Variants in KCNN2 observed in about 807,000 individuals in gnomAD.
KCNN2 encodes the protein potassium calcium-activated channel subfamily N member 2.
In KCNN2, 24 loss-of-function variants were observed where a neutral mutation model predicts 55.5. The observed-to-expected ratio is 0.43, with a 90% CI of 0.31 to 0.61. The LOEUF is 0.61. KCNN2 is among the 20% of genes least tolerant of loss of function. KCNN2 has a pLI of 0.08. For missense variants in KCNN2, 754 were observed against 853.6 expected (o/e 0.88, Z 1.45); for synonymous variants, 431 against 336.1 (o/e 1.28, Z -3.09).
At chr5:114,456,855 TG>T (rs1295209351) in intron 3 of KCNN2, among the ~76,000 whole-genome samples, 2 of 152,182 alleles carry the variant, frequency 1.3e-5, no homozygotes, top group Admixed American at 1.3e-4. Flanking sequence ...GTGATTGAAT[TG>T]CTGCAATCTC....
At chr5:114,241,776 A>ATGTGTG (rs1186374977) in intron 2 of KCNN2, among the ~76,000 whole-genome samples, 319 of 11,120 alleles carry the variant, frequency 0.029, 63 homozygotes, top group East Asian at 0.054. Flanking sequence ...ATATATATAC[A>ATGTGTG]TATATACGTA....
chr5:114,244,453 C>T (rs557998235), intron 2 of KCNN2, among the ~76,000 whole-genome samples: 305 of 151,984 alleles, frequency 2.0e-3, no homozygotes, highest in African/African-American at 6.8e-3. Context: ...AAAAAATAGC[C>T]GGGCGTGGTG....
intron 2 of KCNN2, among the ~76,000 whole-genome samples, chr5:114,285,219 G>A (rs1755715351): frequency 6.9e-6 from 1 of 143,904 alleles, no homozygotes; most frequent in Non-Finnish European, 1.5e-5. Context: ...AGGAGACAGA[G>A]CTTGCAGTGA....
rs748557095 is a variant in KCNN2, at chr5:114,363,897, G to T, written c.1123-9G>T. The T allele has an allele frequency of 6.2e-7, 1 of 1,608,750 alleles. No homozygotes were observed. The highest frequency in any genetic ancestry group is 2.2e-5 in the East Asian group (1 of 44,866). On this transcript the variant is annotated splice_polypyrimidine_tract_variant and intron_variant, in intron 1 of 7. Transcript: ENST00000673685. ...TTCTTAAAAGTGCTTCTGTCTGACT[G>T]TGTTGCAGGCGTCGCTGTATTCCTT...
rs370602863 is a variant in KCNN2, at chr5:114,496,008, C to T, written c.2202C>T (p.His734=). 45 of 1,613,958 alleles carry T rather than the reference C, an allele frequency of 2.8e-5. No individual in the cohort carries two copies. Among genetic ancestry groups the T allele is most frequent in the Non-Finnish European group, 3.4e-5 (40 of 1,179,984 alleles). ...TAGAGACTTTGATTGGTAGCATCCA[C>T]GCCCTCCCTGGGCTCATAAGCCAGA... ...TKLETLIGSI[H]ALPGLISQTI... Residue 734 remains histidine, a synonymous_variant, in exon 8 of 8, where the codon CAC becomes CAT. Coordinates refer to ENST00000673685, the MANE Select transcript of KCNN2 (RefSeq NM_021614.4).
At chr5:114,095,243 T>C (rs1171983998) in intron 1 of KCNN2, among the ~76,000 whole-genome samples, 1 of 152,194 alleles carries the variant, frequency 6.6e-6, no homozygotes, top group Non-Finnish European at 1.5e-5. Flanking sequence ...AAGCAGAATT[T>C]GGCTAAATAA....
In KCNN2 at chr5:114,421,254, G is replaced by T. The variant is rs145968032; in HGVS notation, c.1637+16398G>T. Among the ~76,000 whole-genome samples the T allele has an allele frequency of 6.9e-3, 1,038 of 151,002 alleles. 25 individuals are homozygous for T. The highest frequency in any genetic ancestry group is 0.065 in the East Asian group (336 of 5,170). On this transcript the variant is annotated intron_variant, in intron 3 of 7. Transcript: ENST00000673685. ...AAAAAAAAGCCAACATGTTGGTTAG[G>T]TGTTAAGACAAATTTAATTAATTAA...
rs1748092012 is a variant in KCNN2 at position 114,495,876 on chromosome 5, T to C, written c.2089-19T>C. On this transcript the variant is annotated intron_variant, in intron 7 of 7. Transcript: ENST00000673685. ...TCAGGGCAAGTATAATTAACCTTCTTCTCAATCCTGTTTTTCAGACCCAGA... is the reference window on the plus strand; with the variant it reads ...TCAGGGCAAGTATAATTAACCTTCTCCTCAATCCTGTTTTTCAGACCCAGA... The C allele has an allele frequency of 6.8e-6, 11 of 1,608,018 alleles. No individual in the cohort carries two copies. Among genetic ancestry groups the C allele is most frequent in the Non-Finnish European group, 8.5e-6 (10 of 1,175,832 alleles).
chr5:114,352,872 GGA>G lies in KCNN2; in HGVS notation c.-184-8070_-184-8069del, dbSNP rs545758713. Among the ~76,000 whole-genome samples, 343 of 151,916 alleles carry G rather than the reference GGA, an allele frequency of 2.3e-3. 2 individuals are homozygous for G. Among genetic ancestry groups the G allele is most frequent in the African/African-American group, 8.2e-3 (339 of 41,524 alleles). ...AAAATGTGTGTTCTGCTGTTGCTGA[GGA>G]GAATGTTCTGTAAATGTCTGTGAGG... is the stretch of plus-strand genomic sequence containing the variant. On this transcript the variant is annotated intron_variant, in intron 2 of 10. Transcript: ENST00000512097.
At chr5:114,195,928 T>C (rs1252629544) in intron 1 of KCNN2, among the ~76,000 whole-genome samples, 1 of 152,034 alleles carries the variant, frequency 6.6e-6, no homozygotes, top group Non-Finnish European at 1.5e-5. Flanking sequence ...CTTTTGGCTC[T>C]TATATTTAGG....
chr5:114,410,468 C>A (rs1486685559), intron 3 of KCNN2, among the ~76,000 whole-genome samples: 3 of 152,062 alleles, frequency 2.0e-5, no homozygotes, highest in Non-Finnish European at 4.4e-5. Context: ...CATTAGAAAT[C>A]CTCAAGAGGG....
intron 2 of KCNN2, among the ~76,000 whole-genome samples, chr5:114,233,945 T>C (rs552036772): frequency 6.6e-6 from 1 of 152,274 alleles, no homozygotes; most frequent in South Asian, 2.1e-4. Context: ...TTTTCTTTTA[T>C]ATATACTTCA....
At position 114,362,674 on chromosome 5, in the gene KCNN2, G is replaced by T; in HGVS notation, c.535G>T (p.Gly179Trp). The T allele has an allele frequency of 1.4e-6, 2 of 1,425,642 alleles. No individual in the cohort carries two copies. The highest frequency in any genetic ancestry group is 1.8e-6 in the Non-Finnish European group (2 of 1,090,698). The allele number at this position is 1,425,642 out of a possible 1,614,324, so 88.3% of individuals were successfully genotyped here. Residue 179 changes from glycine (G) to tryptophan (W), a missense_variant, in exon 1 of 8, where the codon GGG becomes TGG. This residue lies in a region of KCNN2 where 381 missense variants were observed against 259.1 expected (regional missense o/e 1.47). Transcript: ENST00000673685. ...PTGSLGSLGS[G>W]PPLSHHHHHP... ...GGGCAGCCTCGGCAGTCTGGGCTCCGGGCCCCCGCTCTCGCACCACCACCA... is the reference window on the plus strand; with the variant it reads ...GGGCAGCCTCGGCAGTCTGGGCTCCTGGCCCCCGCTCTCGCACCACCACCA...
chr5:114,411,276 A>C (rs952683587), intron 3 of KCNN2, among the ~76,000 whole-genome samples: 1 of 152,080 alleles, frequency 6.6e-6, no homozygotes, highest in Non-Finnish European at 1.5e-5. Context: ...CTGGAAGATG[A>C]TTTCTGAAAT....
chr5:114,473,359 G>A, intron 5 of KCNN2, 195 bp downstream of exon 5: 1 of 572,668 alleles, frequency 1.7e-6, no homozygotes, highest in Non-Finnish European at 3.1e-6. Context: ...GAAGTAATTG[G>A]GCAGTCTTGG....
intron 1 of KCNN2, among the ~76,000 whole-genome samples, chr5:114,139,881 A>AT (rs1752241398): frequency 6.6e-6 from 1 of 151,954 alleles, no homozygotes; most frequent in Admixed American, 6.6e-5. Flanking sequence ...TTCCATCTGC[A>AT]TACCTGGGTA....
intron 3 of KCNN2, among the ~76,000 whole-genome samples, chr5:114,421,670 C>T (rs1759475476): frequency 1.3e-5 from 2 of 151,904 alleles, no homozygotes; most frequent in South Asian, 4.2e-4. Context: ...AGTGCAATGG[C>T]ATGTTCTCGG....
In KCNN2 at chr5:114,091,691, A is replaced by C. The variant is rs1751146952; in HGVS notation, c.-271+35191A>C. Among the ~76,000 whole-genome samples the C allele has an allele frequency of 2.0e-5, 3 of 152,208 alleles. No individual in the cohort carries two copies. The South Asian group carries it at 6.2e-4, about 32-fold the overall frequency. ...TTGTGGCTGGGAAACTTATAATCAT[A>C]GTTGAAGGTAAAGGGGAAGCAAGGC... On this transcript the variant is annotated intron_variant, in intron 1 of 10. Transcript: ENST00000512097.
rs139631075 is a variant in KCNN2 at position 114,397,471 on chromosome 5, C to T, written c.1219-6967C>T. The stretch of plus-strand genomic sequence containing the variant: ...GTGCTGTCTTGGCTCACTGCAACCT[C>T]TGCTTCCTGGGTTCAAGTGATTCTT... On this transcript the variant is annotated intron_variant, in intron 2 of 7. Coordinates refer to ENST00000673685, the MANE Select transcript of KCNN2 (RefSeq NM_021614.4). Among the ~76,000 whole-genome samples the T allele has an allele frequency of 2.1e-4, 32 of 152,274 alleles. No individual in the cohort carries two copies. In the East Asian group the frequency reaches 6.0e-3, roughly 29 times the overall value.
Sources: allele counts gnomAD v4.1 joint callset (sites outside exome capture counted in the v4.1 genomes callset), GRCh38; gene constraint gnomAD v4.1.1; regional missense constraint gnomAD v4.1.1; transcripts MANE v1.5; gene names NCBI Gene and HGNC (gene_info 2026-07-23, HGNC 2026-07-21).